TMC7: variants seen among roughly 807,000 people sequenced by gnomAD.
The protein encoded by TMC7 is transmembrane channel like 7, also known as transmembrane channel-like protein 7.
In TMC7, 54 loss-of-function variants were observed where a neutral mutation model predicts 82.9. The ratio of observed to expected loss-of-function variants is 0.65; its 90% CI spans 0.52 to 0.82. The LOEUF is 0.82. Among genes scored for constraint, TMC7 ranks in the 40% least tolerant of loss-of-function variants. The probability of loss-of-function intolerance (pLI) is 0.00; values close to 1 mark genes in which losing one functional copy is unlikely to be tolerated. For synonymous variants in TMC7, 350 were observed against 337.9 expected (o/e 1.04, Z -0.39); for missense variants, 820 against 901.2 (o/e 0.91, Z 1.15).
chr16:19,017,667 G>GTTT lies in TMC7; in HGVS notation c.460+1087_460+1089dup, dbSNP rs35738895. Among the ~76,000 whole-genome samples the GTTT allele has an allele frequency of 7.0e-4, 78 of 111,096 alleles. 1 individual carries two copies. The highest frequency in any genetic ancestry group is 1.2e-3 in the South Asian group (4 of 3,280). 72.9% of individuals were successfully genotyped at this position (111,096 alleles called of 152,430 possible). On this transcript the variant is annotated intron_variant, in intron 3 of 15. Transcript: ENST00000304381. ...TAAGACCTTGCCTCTTCAAAAAACA[G>GTTT]TTTTTTTTTTTTTTTTTTTTGAGAC...
rs1480440132 is a variant in TMC7 at position 19,009,302 on chromosome 16, G to A, written c.198G>A (p.Leu66=). 1.2e-6 allele frequency: 2 copies of A among 1,614,206 alleles called. No individual in the cohort carries two copies. The highest frequency in any genetic ancestry group is 1.7e-5 in the Admixed American group (1 of 60,014). Residue 66 remains leucine (L), a synonymous_variant, in exon 2 of 16, where the codon TTG becomes TTA. Coordinates refer to ENST00000304381, the MANE Select transcript of TMC7 (RefSeq NM_024847.4). ...CCCGGGACAAGCAAAGCGGAACTTTGCTAAAGCCAACCGACTCTTACAGCT... is the reference window on the plus strand; with the variant it reads ...CCCGGGACAAGCAAAGCGGAACTTTACTAAAGCCAACCGACTCTTACAGCT... The part of the protein sequence containing the change: ...VHSRDKQSGT[L]LKPTDSYSSQ...
intron 1 of TMC7, among the ~76,000 whole-genome samples, chr16:19,006,097 G>T (rs151298760): frequency 6.6e-6 from 1 of 152,112 alleles, no homozygotes; most frequent in Non-Finnish European, 1.5e-5. Flanking sequence ...TGTGTGTGCC[G>T]AGCACTGCCT....
At chr16:19,039,099 T>TA (rs1049192386) in intron 8 of TMC7, among the ~76,000 whole-genome samples, 10 of 148,232 alleles carry the variant, frequency 6.7e-5, no homozygotes, top group African/African-American at 2.5e-4. Context: ...TTTCTTTTTT[T>TA]TTTTTTTTTG....
At chr16:18,990,209 A>T (rs946366837) in intron 1 of TMC7, among the ~76,000 whole-genome samples, 3 of 152,128 alleles carry the variant, frequency 2.0e-5, no homozygotes, top group Non-Finnish European at 2.9e-5. Context: ...TGGGGCAGAA[A>T]CAAATCACAA....
At chr16:19,045,097 G>T in intron 10 of TMC7, 96 bp downstream of exon 10, 2 of 1,042,182 alleles carry the variant, frequency 1.9e-6, no homozygotes, top group South Asian at 1.3e-5. Flanking sequence ...GGTTTGAACT[G>T]CATTTGCTTC....
chr16:19,040,502 C>G, intron 9 of TMC7, 56 bp downstream of exon 9: 1 of 1,508,402 alleles, frequency 6.6e-7, no homozygotes, highest in Non-Finnish European at 9.0e-7. Flanking sequence ...CCTGCCCACT[C>G]TCTTGCCCAT....
intron 1 of TMC7, among the ~76,000 whole-genome samples, chr16:19,007,477 A>G (rs1346030933): frequency 6.6e-6 from 1 of 152,090 alleles, no homozygotes; most frequent in African/African-American, 2.4e-5. Context: ...CTCTTCCTCC[A>G]ACCTGTCACA....
rs937636158 is a variant in TMC7, at chr16:18,983,938, C to T, written c.-126C>T. ...GGCTCCTCGCGGGGGCGCCCCACTC[C>T]GGCTTCTGTGATGTCAGCGCCGGAA... On this transcript the variant is annotated 5_prime_UTR_variant, in exon 1 of 16. Transcript: ENST00000304381. 5 of 1,074,820 alleles carry T rather than the reference C, an allele frequency of 4.7e-6. No homozygotes were observed. In the African/African-American group the frequency reaches 5.0e-5, roughly 11 times the overall value. 66.6% of individuals were successfully genotyped at this position (1,074,820 alleles called of 1,614,324 possible).
chr16:19,035,612 C>A, intron 6 of TMC7, 64 bp from the exon 7 acceptor site: 2 of 1,601,132 alleles, frequency 1.2e-6, no homozygotes, highest in Non-Finnish European at 1.7e-6. Flanking sequence ...TCAGACACAG[C>A]CAATTCAGGG....
At chr16:19,003,630 G>C (rs2039182224) in intron 1 of TMC7, among the ~76,000 whole-genome samples, 1 of 141,828 alleles carries the variant, frequency 7.1e-6, no homozygotes, top group Non-Finnish European at 1.5e-5. Flanking sequence ...TCGGATGGTT[G>C]CTGTGTCTGT....
intron 2 of TMC7, among the ~76,000 whole-genome samples, chr16:19,012,587 G>A (rs1049108573): frequency 4.9e-4 from 75 of 151,840 alleles, no homozygotes; most frequent in African/African-American, 1.8e-3. Flanking sequence ...TCAGGAGTTC[G>A]AGAACAGGCT....
chr16:19,046,225 C>T (rs1162708347), intron 11 of TMC7, among the ~76,000 whole-genome samples: 1 of 152,140 alleles, frequency 6.6e-6, no homozygotes, highest in Non-Finnish European at 1.5e-5. Flanking sequence ...GTTCAAACTC[C>T]CTCCCTGCTC....
chr16:19,047,871 T>C (rs1961356755), intron 12 of TMC7, among the ~76,000 whole-genome samples: 1 of 150,194 alleles, frequency 6.7e-6, no homozygotes, highest in Non-Finnish European at 1.5e-5. Flanking sequence ...GCTGTGATTT[T>C]TGTACTTTTA....
rs1336536272 is a variant in TMC7, at chr16:19,056,667, C to A, written c.1997C>A (p.Ala666Asp). The change falls in exon 14 of 16, where the codon GCC (alanine) becomes GAC (aspartate). Residue 666 changes from alanine to aspartate, a missense_variant. Coordinates refer to ENST00000304381, the MANE Select transcript of TMC7 (RefSeq NM_024847.4). ...QSFIHGVTSEAFAVPFFMIIC... is the reference protein window; with the variant it reads ...QSFIHGVTSEDFAVPFFMIIC... ...TTCATCCATGGTGTCACATCCGAAGCCTTTGCAGTTCCTTTCTTCATGATT... is the reference window on the plus strand; with the variant it reads ...TTCATCCATGGTGTCACATCCGAAGACTTTGCAGTTCCTTTCTTCATGATT... 3.1e-6 allele frequency: 5 copies of A among 1,614,048 alleles called. No homozygotes were observed. The highest frequency in any genetic ancestry group is 2.2e-5 in the East Asian group (1 of 44,870).
intron 9 of TMC7, 95 bp downstream of exon 9, chr16:19,040,541 A>AT: frequency 8.4e-7 from 1 of 1,189,732 alleles, no homozygotes; most frequent in Non-Finnish European, 1.2e-6. Flanking sequence ...ATTGTAGTGC[A>AT]TTTTCCTGCT....
intron 1 of TMC7, among the ~76,000 whole-genome samples, chr16:18,994,448 T>A (rs1159841374): frequency 2.1e-4 from 31 of 148,626 alleles, no homozygotes; most frequent in Admixed American, 2.1e-3. Context: ...GCGAGACTCT[T>A]CTCAAAAAAA....
Position 18,990,370 on chromosome 16 carries a change from C to T in TMC7, c.67+6240C>T, listed in dbSNP as rs541234233. Among the ~76,000 whole-genome samples the T allele has an allele frequency of 3.3e-5, 5 of 152,306 alleles. No homozygotes were observed. In the South Asian group the frequency reaches 6.2e-4, roughly 19 times the overall value. On this transcript the variant is annotated intron_variant, in intron 1 of 15. Coordinates refer to ENST00000304381, the MANE Select transcript of TMC7 (RefSeq NM_024847.4). ...GGCCTGACAGTGTGATCTTGGCTCACTGCAAACTCTGCCTCCTGCGTTCAA... is the reference window on the plus strand; with the variant it reads ...GGCCTGACAGTGTGATCTTGGCTCATTGCAAACTCTGCCTCCTGCGTTCAA...
intron 2 of TMC7, among the ~76,000 whole-genome samples, chr16:19,013,468 C>T (rs188988632): frequency 2.6e-4 from 40 of 151,162 alleles, no homozygotes; most frequent in Middle Eastern, 3.4e-3. Context: ...CCGCCTGCCT[C>T]GGCCTCCCAA....
At chr16:19,031,445 G>C (rs1960511900) in intron 6 of TMC7, among the ~76,000 whole-genome samples, 1 of 152,132 alleles carries the variant, frequency 6.6e-6, no homozygotes, top group African/African-American at 2.4e-5. Flanking sequence ...AAAGAGAAGA[G>C]TATTAATTCC....
Sources: allele counts gnomAD v4.1 joint callset (sites outside exome capture counted in the v4.1 genomes callset), GRCh38; gene constraint gnomAD v4.1.1; transcripts MANE v1.5; gene names NCBI Gene and HGNC (gene_info 2026-07-23, HGNC 2026-07-21).